The following DDR1 variants were observed in gnomAD, a reference collection of about 807,000 sequenced individuals.
DDR1 encodes the protein discoidin domain receptor tyrosine kinase 1, also known as epithelial discoidin domain-containing receptor 1.
DDR1 carries 64 observed loss-of-function variants against 97.4 expected under a neutral mutation model. The observed-to-expected ratio is 0.66, with a 90% CI of 0.54 to 0.81. The LOEUF (loss-of-function observed/expected upper bound fraction) is 0.81. DDR1 is among the 30% of genes least tolerant of loss of function. DDR1 has a pLI of 0.00. For synonymous variants in DDR1, 458 were observed against 503.7 expected (o/e 0.91, Z 1.21); for missense variants, 990 against 1,259.6 (o/e 0.79, Z 3.24).
At position 30,894,621 on chromosome 6, in the gene DDR1, G is replaced by T; in HGVS notation, c.1463G>T (p.Arg488Leu). Residue 488 changes from arginine (R) to leucine (L), a missense_variant, in exon 11 of 18, where the codon CGG (arginine) becomes CTG (leucine). By Grantham distance (102) the Arg-to-Leu change is moderately radical (BLOSUM62 -2). Coordinates refer to ENST00000376568, the MANE Select transcript of DDR1 (RefSeq NM_001297654.2). The surrounding 1 kb of genome is among the most constrained non-coding windows in gnomAD (Gnocchi z 5.7). ...GAGCCACCCCCGTACCAGGAGCCCC[G>T]GCCTCGTGGGAATCCGCCCCACTCC... is the stretch of plus-strand genomic sequence containing the variant. The part of the protein sequence containing the change: ...PREPPPYQEP[R>L]PRGNPPHSAP... 6.2e-7 allele frequency: 1 copy of T among 1,612,370 alleles called. No homozygotes were observed. Among genetic ancestry groups the T allele is most frequent in the Non-Finnish European group, 8.5e-7 (1 of 1,179,168 alleles).
chr6:30,885,361 C>A, intron 1 of DDR1: 2 of 1,170,952 alleles, frequency 1.7e-6, no homozygotes, highest in South Asian at 1.4e-5. Flanking sequence ...GTAGGTGTGT[C>A]CAGGACTGAG....
chr6:30,888,759 G>A lies in DDR1; in HGVS notation c.30G>A (p.Leu10=), dbSNP rs2150282107. The A allele has an allele frequency of 1.2e-6, 2 of 1,613,008 alleles. No homozygotes were observed. Among genetic ancestry groups the A allele is most frequent in the Non-Finnish European group, 1.7e-6 (2 of 1,180,018 alleles). MGPEALSSL[L]LLLLVASGDA... is the part of the protein sequence containing the mutation. ...GACCAGAGGCCCTGTCATCTTTACT[G>A]CTGCTGCTCTTGGTGGCAAGTGGAG... The change falls in exon 2 of 18, where the codon CTG becomes CTA. Residue 10 remains leucine (L), a synonymous_variant. Coordinates refer to ENST00000376568, the MANE Select transcript of DDR1 (RefSeq NM_001297654.2). This position sits in a 1 kb window ranked among gnomAD's most constrained non-coding sequence, Gnocchi z 4.2.
rs1562418724 is a variant in DDR1 at position 30,899,922 on chromosome 6, A to G, written c.*626A>G. 1 of 529,084 alleles carries G rather than the reference A, an allele frequency of 1.9e-6. No homozygotes were observed. Among genetic ancestry groups the G allele is most frequent in the Non-Finnish European group, 3.6e-6 (1 of 275,330 alleles). The allele number at this position is 529,084 out of a possible 1,614,324, so 32.8% of individuals were successfully genotyped here. ...TTGTAGCTAGAACTTCTCTAAGCCT[A>G]TACGTTTCTGTGGAGTAAATATTGG... On this transcript the variant is annotated 3_prime_UTR_variant, in exon 18 of 18. Coordinates refer to ENST00000376568, the MANE Select transcript of DDR1 (RefSeq NM_001297654.2).
Position 30,894,654 on chromosome 6 carries a change from G to A in DDR1, c.1496G>A (p.Cys499Tyr), listed in dbSNP as rs758774858. 1.2e-6 allele frequency: 2 copies of A among 1,605,248 alleles called. No individual in the cohort carries two copies. Among genetic ancestry groups the A allele is most frequent in the Non-Finnish European group, 1.7e-6 (2 of 1,175,302 alleles). ...PRGNPPHSAP[C>Y]VPNGSALLLS... ...GGGAATCCGCCCCACTCCGCTCCCTGTGTCCCCAATGGCTCTGGTAAGACC... is the reference window on the plus strand; with the variant it reads ...GGGAATCCGCCCCACTCCGCTCCCTATGTCCCCAATGGCTCTGGTAAGACC... Residue 499 changes from cysteine (C) to tyrosine (Y), a missense_variant, in exon 11 of 18, where the codon TGT becomes TAT. Transcript: ENST00000376568. The surrounding 1 kb of genome is among the most constrained non-coding windows in gnomAD (Gnocchi z 5.7).
In DDR1 at chr6:30,884,527, C is replaced by A. The variant is rs1272403437; in HGVS notation, c.-226C>A. Reference sequence around the variant, plus strand: ...GAGCCGCCCCAGCCCTGGCTCCTCTCCCCGGAACAGGCCCCCGACAGCTGC... The same window carrying A: ...GAGCCGCCCCAGCCCTGGCTCCTCTACCCGGAACAGGCCCCCGACAGCTGC... On this transcript the variant is annotated 5_prime_UTR_variant, in exon 1 of 18. Transcript: ENST00000376568. The surrounding 1 kb of genome is among the most constrained non-coding windows in gnomAD (Gnocchi z 6.1). 1 of 151,942 alleles carries A rather than the reference C, an allele frequency of 6.6e-6. No homozygotes were observed. The highest frequency in any genetic ancestry group is 1.5e-5 in the Non-Finnish European group (1 of 67,938). The allele number at this position is 151,942 out of a possible 1,614,324, so 9.4% of individuals were successfully genotyped here. A position where few individuals can be genotyped will look rare whatever the true frequency, so the allele number is the denominator to read the frequency against.
At position 30,888,673 on chromosome 6, in the gene DDR1, T is replaced by C; in HGVS notation, c.-42-15T>C. On this transcript the variant is annotated splice_polypyrimidine_tract_variant and intron_variant, in intron 1 of 17. Transcript: ENST00000376568. This position sits in a 1 kb window ranked among gnomAD's most constrained non-coding sequence, Gnocchi z 4.2. Reference sequence around the variant, plus strand: ...CCCTGATTAACTTACGCACCACCCATTTTATCCCCTGCAGAGATGCTGCCC... The same window carrying C: ...CCCTGATTAACTTACGCACCACCCACTTTATCCCCTGCAGAGATGCTGCCC... 6.2e-7 allele frequency: 1 copy of C among 1,604,628 alleles called. No individual in the cohort carries two copies.
At position 30,890,044 on chromosome 6, in the gene DDR1, G is replaced by A. The variant is rs1193884132; in HGVS notation, c.417+614G>A. On this transcript the variant is annotated intron_variant, in intron 4 of 17. Coordinates refer to ENST00000376568, the MANE Select transcript of DDR1 (RefSeq NM_001297654.2). The surrounding 1 kb of genome is among the most constrained non-coding windows in gnomAD (Gnocchi z 5.0). The stretch of plus-strand genomic sequence containing the variant: ...CCCGCCATCTCCAGCTTAGATGAGT[G>A]CAGTAGATGCCAAACGCGTCTCCCT... 6.6e-6 allele frequency among the ~76,000 whole-genome samples: 1 copy of A among 152,166 alleles called. No individual in the cohort carries two copies. The highest frequency in any genetic ancestry group is 1.5e-5 in the Non-Finnish European group (1 of 68,044).
chr6:30,897,412 G>T lies in DDR1; in HGVS notation c.2031G>T (p.Ser677=). ...NDFLKEVKIM[S]RLKDPNIIRL... is the part of the protein sequence containing the mutation. ...TCCTGAAAGAGGTGAAGATCATGTC[G>T]AGGCTCAAGGACCCAAACATCATTC... The change falls in exon 15 of 18, where the codon TCG becomes TCT. Residue 677 remains serine, a synonymous_variant. Coordinates refer to ENST00000376568, the MANE Select transcript of DDR1 (RefSeq NM_001297654.2). The surrounding 1 kb of genome is among the most constrained non-coding windows in gnomAD (Gnocchi z 5.2). The T allele has an allele frequency of 1.2e-6, 2 of 1,614,066 alleles. No homozygotes were observed. Among genetic ancestry groups the T allele is most frequent in the Non-Finnish European group, 1.7e-6 (2 of 1,180,008 alleles).
chr6:30,896,506 G>T, intron 12 of DDR1, 115 bp from the exon 13 acceptor site: 2 of 1,334,848 alleles, frequency 1.5e-6, no homozygotes, highest in Non-Finnish European at 2.1e-6. Context: ...CATAGACCCA[G>T]TCTCTCACTC....
At chr6:30,885,103 G>C (rs1302128627) in intron 1 of DDR1, 2 of 1,231,454 alleles carry the variant, frequency 1.6e-6, no homozygotes, top group African/African-American at 1.5e-5. Context: ...CCTCCGCTCA[G>C]CCAACACCCA....
Position 30,892,102 on chromosome 6 carries a change from G to A in DDR1, c.766G>A (p.Val256Met). ...ELRVWPGYDY[V>M]GWSNHSFSSG... ...GCGGGTCTGGCCAGGCTATGACTAT[G>A]TGGGATGGAGCAACCACAGCTTCTC... The change falls in exon 7 of 18, where the codon GTG (valine) becomes ATG (methionine). Residue 256 changes from valine (V) to methionine (M), a missense_variant. Transcript: ENST00000376568. The A allele has an allele frequency of 6.2e-7, 1 of 1,614,208 alleles. No homozygotes were observed.
Position 30,897,116 on chromosome 6 carries a change from C to G in DDR1, c.1972C>G (p.Arg658Gly), listed in dbSNP as rs780560727. ...TTTGCTGGTAGCTGTCAAGATCTTA[C>G]GGCCAGATGCCACCAAGAATGCCAG... ...HPLLVAVKIL[R>G]PDATKNARND... The change falls in exon 14 of 18, where the codon CGG (arginine) becomes GGG (glycine). Residue 658 changes from arginine to glycine, a missense_variant. Physicochemically the swap from Arg to Gly is moderately radical, Grantham distance 125. Transcript: ENST00000376568. The surrounding 1 kb of genome is among the most constrained non-coding windows in gnomAD (Gnocchi z 5.2). 1 of 1,613,700 alleles carries G rather than the reference C, an allele frequency of 6.2e-7. No homozygotes were observed. The highest frequency in any genetic ancestry group is 8.5e-7 in the Non-Finnish European group (1 of 1,179,938).
At chr6:30,885,630 TG>T in intron 1 of DDR1, 1 of 1,355,858 alleles carries the variant, frequency 7.4e-7, no homozygotes. Flanking sequence ...CACAGGTGTC[TG>T]AAGGTGGCTA....
Position 30,890,851 on chromosome 6 carries a change from G to A in DDR1, c.418-122G>A, listed in dbSNP as rs185984263. On this transcript the variant is annotated intron_variant, in intron 4 of 17. Coordinates refer to ENST00000376568, the MANE Select transcript of DDR1 (RefSeq NM_001297654.2). This position sits in a 1 kb window ranked among gnomAD's most constrained non-coding sequence, Gnocchi z 5.0. Reference sequence around the variant, plus strand: ...CTGCGCCCCACAGTGCTGTGTGCTCGGTGCCACCCCTCATGGGTCTCTAAG... The same window carrying A: ...CTGCGCCCCACAGTGCTGTGTGCTCAGTGCCACCCCTCATGGGTCTCTAAG... The A allele has an allele frequency of 6.7e-5, 70 of 1,042,728 alleles. No homozygotes were observed. The African/African-American group carries it at 8.1e-4, about 12-fold the overall frequency. The allele number at this position is 1,042,728 out of a possible 1,614,324, so 64.6% of individuals were successfully genotyped here.
At position 30,899,067 on chromosome 6, in the gene DDR1, C is replaced by T. The variant is rs150082320; in HGVS notation, c.2601+30C>T. 3,627 of 1,614,080 alleles carry T rather than the reference C, an allele frequency of 2.2e-3. 30 individuals are homozygous for T. Among genetic ancestry groups the T allele is most frequent in the South Asian group, 0.019 (1,735 of 91,074 alleles). On this transcript the variant is annotated intron_variant, in intron 17 of 17. Transcript: ENST00000376568. ...GAGTGGAGGAGAGGGAAGATGGGTCCGAGGCGGGGGACAGAAGGGGCAGAG... is the reference window on the plus strand; with the variant it reads ...GAGTGGAGGAGAGGGAAGATGGGTCTGAGGCGGGGGACAGAAGGGGCAGAG...
chr6:30,883,583 T>C (rs115862581), upstream of DDR1: 3,290 of 153,074 alleles, frequency 0.021, 85 homozygotes, highest in African/African-American at 0.062. The surrounding 1 kb of genome is among the most constrained non-coding windows in gnomAD (Gnocchi z 4.9). Context: ...CACTCAACTT[T>C]GTCCTGGCCT....
chr6:30,883,792 GAGA>G (rs1198904322), upstream of DDR1: 2 of 152,602 alleles, frequency 1.3e-5, no homozygotes, highest in African/African-American at 4.8e-5. This position sits in a 1 kb window ranked among gnomAD's most constrained non-coding sequence, Gnocchi z 4.9. Context: ...GAACTGAGAG[GAGA>G]AGGAGAAGAG....
At chr6:30,898,393 C>T in intron 16 of DDR1, 86 bp downstream of exon 16, 1 of 966,782 alleles carries the variant, frequency 1.0e-6, no homozygotes, top group African/African-American at 1.6e-5. Context: ...CCATCAGTCA[C>T]ACACTTTCTC....
At chr6:30,893,954 A>G (rs1789656126) in intron 10 of DDR1, among the ~76,000 whole-genome samples, 1 of 152,176 alleles carries the variant, frequency 6.6e-6, no homozygotes, top group African/African-American at 2.4e-5. Flanking sequence ...GCAGTAATGT[A>G]CATTAAGGTT....
Sources: gnomAD v4.1 joint callset for allele counts (sites outside exome capture counted in the v4.1 genomes callset) on GRCh38, gnomAD v4.1.1 for gene constraint, Gnocchi (gnomAD v3.1) non-coding constraint, MANE v1.5 for transcripts, NCBI Gene and HGNC (gene_info 2026-07-23, HGNC 2026-07-21) for gene names.